The following ANK3 variants were observed in gnomAD, a reference collection of about 807,000 sequenced individuals.
ANK3 encodes ankyrin-3.
ANK3 carries 57 observed loss-of-function variants against 370.9 expected under a neutral mutation model. That is an observed-to-expected ratio of 0.15 (90% confidence interval 0.12 to 0.19). The LOEUF (loss-of-function observed/expected upper bound fraction) is 0.19. ANK3 is among the 10% of genes least tolerant of loss of function. ANK3 has a pLI of 1.00. For missense variants in ANK3, 4,439 were observed against 5,302.1 expected, an observed-to-expected ratio of 0.84 and a Z score of 5.06; for synonymous variants, 1,929 against 1,946.3, an observed-to-expected ratio of 0.99 and a Z score of 0.23.
At chr10:60,650,713 T>C (rs2078776525) in intron 1 of ANK3, among the ~76,000 whole-genome samples, 1 of 152,186 alleles carries the variant, frequency 6.6e-6, no homozygotes, top group South Asian at 2.1e-4. Context: ...TTTGCAGCAA[T>C]TGTATCTCAT....
intron 1 of ANK3, among the ~76,000 whole-genome samples, chr10:60,345,654 A>T (rs2055284462): frequency 6.6e-6 from 1 of 152,180 alleles, no homozygotes; most frequent in African/African-American, 2.4e-5. Context: ...CAGTTCATTC[A>T]TCCAACACAT....
At chr10:60,612,747 C>T (rs972511420) in intron 2 of ANK3, among the ~76,000 whole-genome samples, 1 of 152,124 alleles carries the variant, frequency 6.6e-6, no homozygotes, top group Admixed American at 6.6e-5. Flanking sequence ...CGCCTTGGCT[C>T]ACTCAGTTTT....
At chr10:60,706,765 A>C (rs762781550) in intron 1 of ANK3, among the ~76,000 whole-genome samples, 1 of 152,182 alleles carries the variant, frequency 6.6e-6, no homozygotes, top group Non-Finnish European at 1.5e-5. Flanking sequence ...GGCCACAATT[A>C]CTACTATTAT....
intron 41 of ANK3, among the ~76,000 whole-genome samples, chr10:60,056,272 C>T (rs1246266649): frequency 1.3e-5 from 2 of 151,928 alleles, no homozygotes; most frequent in Non-Finnish European, 2.9e-5. Flanking sequence ...AGTTCGAGAC[C>T]AGCCTGGCCA....
At chr10:60,511,230 A>G (rs1439852803) in intron 2 of ANK3, among the ~76,000 whole-genome samples, 3 of 152,126 alleles carry the variant, frequency 2.0e-5, no homozygotes, top group African/African-American at 7.2e-5. Flanking sequence ...TTCTACTCTC[A>G]ATTTGTCAGC....
intron 2 of ANK3, among the ~76,000 whole-genome samples, chr10:60,533,492 G>A (rs1460501141): frequency 6.6e-6 from 1 of 152,106 alleles, no homozygotes; most frequent in Non-Finnish European, 1.5e-5. Context: ...CTACTTCTCA[G>A]AGACAAAAGA....
rs2072407742 is a variant in ANK3, at chr10:60,026,406, C to G, written c.*3440G>C. 1 of 152,164 alleles carries G rather than the reference C, an allele frequency of 6.6e-6. No homozygotes were observed. Among genetic ancestry groups the G allele is most frequent in the African/African-American group, 2.4e-5 (1 of 41,436 alleles). 9.4% of individuals were successfully genotyped at this position (152,164 alleles called of 1,614,324 possible). On this transcript the variant is annotated 3_prime_UTR_variant, in exon 44 of 44. Transcript: ENST00000280772. ...TTACACACCTTGTAATATGTCACAG[C>G]CTCTTCAAGCAAATCAAGAATACCA...
chr10:60,606,536 G>T (rs2078130986), intron 2 of ANK3, among the ~76,000 whole-genome samples: 1 of 152,144 alleles, frequency 6.6e-6, no homozygotes, highest in Non-Finnish European at 1.5e-5. Flanking sequence ...TTAGACACTG[G>T]GGAGTATGTC....
chr10:60,686,132 G>A, intron 1 of ANK3, among the ~76,000 whole-genome samples: 1 of 152,080 alleles, frequency 6.6e-6, no homozygotes, highest in African/African-American at 2.4e-5. Flanking sequence ...AGTGTGTATG[G>A]AGGTCACTAT....
At chr10:60,248,883 T>C (rs1362643777) in intron 7 of ANK3, among the ~76,000 whole-genome samples, 1 of 152,168 alleles carries the variant, frequency 6.6e-6, no homozygotes, top group Non-Finnish European at 1.5e-5. Flanking sequence ...GGGCAAACAT[T>C]AGCTCCAGCT....
At chr10:60,507,299 T>G (rs968242865) in intron 2 of ANK3, among the ~76,000 whole-genome samples, 1 of 152,038 alleles carries the variant, frequency 6.6e-6, no homozygotes, top group Non-Finnish European at 1.5e-5. Flanking sequence ...GGCATAATAA[T>G]TATGAGTTAA....
chr10:60,114,565 T>C (rs887493639), intron 25 of ANK3, among the ~76,000 whole-genome samples: 5 of 152,266 alleles, frequency 3.3e-5, no homozygotes, highest in African/African-American at 1.2e-4. Flanking sequence ...CCTGGGTAAC[T>C]GACATGGCAA....
At chr10:60,432,197 C>G (rs2064042229) in intron 2 of ANK3, among the ~76,000 whole-genome samples, 1 of 152,192 alleles carries the variant, frequency 6.6e-6, no homozygotes, top group Non-Finnish European at 1.5e-5. Flanking sequence ...GGGGCTGCAT[C>G]AAATATTATA....
chr10:60,240,203 C>CAT lies in ANK3; in HGVS notation c.799-5419_799-5418dup, dbSNP rs546091972. On this transcript the variant is annotated intron_variant, in intron 7 of 43. Transcript: ENST00000280772. ...ATATACACATATATATACACACACA[C>CAT]ATATATATACACATATATATATACA... is the stretch of plus-strand genomic sequence containing the variant. 8.1e-5 allele frequency among the ~76,000 whole-genome samples: 11 copies of CAT among 135,216 alleles called. No homozygotes were observed. In the East Asian group the frequency reaches 1.9e-3, roughly 23 times the overall value. The allele number at this position is 135,216 out of a possible 152,430, so 88.7% of individuals were successfully genotyped here. A position where few individuals can be genotyped will look rare whatever the true frequency, so the allele number is the denominator to read the frequency against.
At chr10:60,052,247 G>C (rs2078201624) in intron 42 of ANK3, among the ~76,000 whole-genome samples, 1 of 152,102 alleles carries the variant, frequency 6.6e-6, no homozygotes, top group Admixed American at 6.6e-5. Flanking sequence ...AGAATTGCTT[G>C]AACCTGGGAG....
rs141848811 is a variant in ANK3 at position 60,694,218 on chromosome 10, G to A, written c.57+39045C>T. 3.3e-3 allele frequency among the ~76,000 whole-genome samples: 501 copies of A among 152,276 alleles called. 1 individual carries two copies. The highest frequency in any genetic ancestry group is 7.4e-3 in the African/African-American group (309 of 41,556). The stretch of plus-strand genomic sequence containing the variant: ...TAGAGAAAAAACAATAAAAAGAAAC[G>A]AGCGAAGCCTCCAAGAAATATGGGA... On this transcript the variant is annotated intron_variant, in intron 1 of 43. Coordinates refer to the ANK3 transcript ENST00000373827.
At chr10:60,596,282 C>A (rs1318979991) in intron 2 of ANK3, among the ~76,000 whole-genome samples, 1 of 152,072 alleles carries the variant, frequency 6.6e-6, no homozygotes, top group African/African-American at 2.4e-5. Flanking sequence ...TGAAATAGAT[C>A]TTTAACAAGC....
In ANK3 at chr10:60,519,916, G is replaced by A. The variant is rs529368601; in HGVS notation, c.96+95270C>T. Among the ~76,000 whole-genome samples the A allele has an allele frequency of 3.1e-3, 472 of 152,182 alleles. 5 individuals are homozygous for A. Among genetic ancestry groups the A allele is most frequent in the Non-Finnish European group, 3.8e-3 (261 of 67,996 alleles). ...GGGTTAGAGGGTTGATCAGTTATTA[G>A]ATTATTGAAATTTTTGTCATGAAGT... On this transcript the variant is annotated intron_variant, in intron 2 of 43. Coordinates refer to the ANK3 transcript ENST00000373827.
At position 60,074,397 on chromosome 10, in the gene ANK3, T is replaced by C. The variant is rs769729059; in HGVS notation, c.6484A>G (p.Ile2162Val). Residue 2162 changes from isoleucine (I) to valine (V), a missense_variant, in exon 37 of 44, where the codon ATT (isoleucine) becomes GTT (valine). By Grantham distance (29) the Ile-to-Val change is conservative. This residue lies in a region of ANK3 where 1,601 missense variants were observed against 1,731.7 expected (regional missense o/e 0.92). Transcript: ENST00000280772. ...LFHEVPIPPV[I>V]TETRTEVVHV... is the part of the protein sequence containing the mutation. ...ACCACTTCAGTTCTTGTTTCTGTAA[T>C]GACAGGAGGGATGGGAACTTCATGA... 1.2e-6 allele frequency: 2 copies of C among 1,614,068 alleles called. No individual in the cohort carries two copies. The highest frequency in any genetic ancestry group is 2.2e-5 in the East Asian group (1 of 44,866).
Sources: gnomAD v4.1 joint callset for allele counts (sites outside exome capture counted in the v4.1 genomes callset) on GRCh38, gnomAD v4.1.1 for gene constraint, gnomAD v4.1.1 regional missense constraint, MANE v1.5 for transcripts, NCBI Gene and HGNC (gene_info 2026-07-23, HGNC 2026-07-21) for gene names.